Variants in WAS observed in about 807,000 individuals in gnomAD.
WAS encodes the protein actin nucleation-promoting factor WAS.
In WAS, 1 loss-of-function variant was observed where a neutral mutation model predicts 38.9. The observed-to-expected ratio is 0.03, with a 90% confidence interval of 0.01 to 0.12. The LOEUF (loss-of-function observed/expected upper bound fraction) is 0.12, where lower values mean the gene tolerates loss of function less well. Ranked by LOEUF, WAS falls within the 10% of genes least tolerant of loss-of-function variation. The probability of loss-of-function intolerance (pLI) is 1.00; values close to 1 mark genes in which losing one functional copy is unlikely to be tolerated. For missense variants in WAS, 311 were observed against 431.2 expected (o/e 0.72, Z 2.47); for synonymous variants, 182 against 173.6 (o/e 1.05, Z -0.38).
At chrX:48,680,196 A>G (rs1479846178), upstream of WAS, among the ~76,000 whole-genome samples, 1 of 111,738 alleles carries the variant, frequency 8.9e-6, no homozygotes, top group East Asian at 2.8e-4. Context: ...TACCCTGAAT[A>G]CAAGAGACCC....
chrX:48,679,331 GTTT>G (rs782762566), upstream of WAS, among the ~76,000 whole-genome samples: 37 of 111,525 alleles, frequency 3.3e-4, no homozygotes, highest in African/African-American at 1.0e-3. Flanking sequence ...CCTGCTTCAG[GTTT>G]TTTTGTTTTG....
chrX:48,679,955 C>T (rs1170866680), upstream of WAS, among the ~76,000 whole-genome samples: 1 of 111,828 alleles, frequency 8.9e-6, no homozygotes, highest in African/African-American at 3.3e-5. Flanking sequence ...TGGATCAGGA[C>T]CCCTTTCCGG....
chrX:48,684,494 G>A, intron 2 of WAS, 71 bp downstream of exon 2: 1 of 1,143,923 alleles, frequency 8.7e-7, no homozygotes, highest in Non-Finnish European at 1.2e-6. Context: ...GTGTCCATAT[G>A]TGTCCATAGC....
At chrX:48,677,445 C>T (rs145363422) in intron 1 of WAS, among the ~76,000 whole-genome samples, 157 of 111,784 alleles carry the variant, frequency 1.4e-3, no homozygotes, top group African/African-American at 5.0e-3. Flanking sequence ...ATAACACGTG[C>T]CAAGCTCTCC....
Position 48,691,095 on chromosome X carries a change from C to A in WAS, c.1454-12C>A. 12 of 1,210,298 alleles carry A rather than the reference C, an allele frequency of 9.9e-6. No individual in the cohort carries two copies. Among genetic ancestry groups the A allele is most frequent in the Non-Finnish European group, 1.3e-5 (12 of 894,720 alleles). Reference sequence around the variant, plus strand: ...ACCTCCCAGGGCATCTTATCTTTCTCTTTCCCTCCAGACGAAGGGGAGGAC... The same window carrying A: ...ACCTCCCAGGGCATCTTATCTTTCTATTTCCCTCCAGACGAAGGGGAGGAC... On this transcript the variant is annotated splice_polypyrimidine_tract_variant and intron_variant, in intron 11 of 11. Coordinates refer to ENST00000376701, the MANE Select transcript of WAS (RefSeq NM_000377.3).
upstream of WAS, among the ~76,000 whole-genome samples, chrX:48,682,764 G>A (rs1046325273): frequency 4.6e-5 from 5 of 109,560 alleles, no homozygotes; most frequent in African/African-American, 1.3e-4. Flanking sequence ...GCGTGGTGGC[G>A]TGTGCCTGTA....
upstream of WAS, among the ~76,000 whole-genome samples, chrX:48,679,023 T>G (rs1557005476): frequency 9.1e-6 from 1 of 109,755 alleles, no homozygotes; most frequent in African/African-American, 3.3e-5. Flanking sequence ...GTGCTTTAAG[T>G]TTTTCTTTCT....
chrX:48,686,174 T>TAAGAGTGGATGGAGGAATGAGG, intron 6 of WAS, 40 bp downstream of exon 6: 1 of 1,194,645 alleles, frequency 8.4e-7, no homozygotes, highest in Non-Finnish European at 1.1e-6. Context: ...GATGGATGGG[T>TAAGAGTGGATGGAGGAATGAGG]AAGAGTGGAT....
At chrX:48,683,702 A>C (rs782388030), upstream of WAS, 263 of 821,849 alleles carry the variant, frequency 3.2e-4, 1 homozygote, top group African/African-American at 5.0e-3. Flanking sequence ...CCTAACGAGG[A>C]GGCCAGGCCC....
In WAS at chrX:48,691,417, C is replaced by T; in HGVS notation, c.*255C>T. ...AAAAATAAAAGAATTGTCTTTCTGT[C>T]TCTCTATAAATCTCAGTCTGTTTAC... On this transcript the variant is annotated 3_prime_UTR_variant, in exon 12 of 12. Transcript: ENST00000376701. 1 of 411,459 alleles carries T rather than the reference C, an allele frequency of 2.4e-6. No individual in the cohort carries two copies. The highest frequency in any genetic ancestry group is 4.2e-6 in the Non-Finnish European group (1 of 235,909). 33.9% of individuals were successfully genotyped at this position (411,459 alleles called of 1,213,427 possible). A position where few individuals can be genotyped will look rare whatever the true frequency, so the allele number is the denominator to read the frequency against.
At chrX:48,687,679 A>C (rs2062424576) in intron 7 of WAS, among the ~76,000 whole-genome samples, 1 of 110,714 alleles carries the variant, frequency 9.0e-6, no homozygotes, top group Non-Finnish European at 1.9e-5. Context: ...GCACATGGGT[A>C]GGTGGATGGG....
chrX:48,677,693 C>T (rs1226152427), intron 1 of WAS, among the ~76,000 whole-genome samples: 4 of 111,644 alleles, frequency 3.6e-5, no homozygotes, highest in Admixed American at 1.9e-4. Context: ...GTCCTCATTC[C>T]GCCCCCGGCA....
At position 48,686,891 on chromosome X, in the gene WAS, G is replaced by A. The variant is rs2062421931; in HGVS notation, c.670G>A (p.Asp224Asn). 3.3e-6 allele frequency: 4 copies of A among 1,210,121 alleles called. No individual in the cohort carries two copies. Among genetic ancestry groups the A allele is most frequent in the Admixed American group, 2.2e-5 (1 of 45,780 alleles). Residue 224 changes from aspartate (D) to asparagine (N), a missense_variant, in exon 7 of 12, where the codon GAT becomes AAT. By Grantham distance (23) the Asp-to-Asn change is conservative (BLOSUM62 1). Transcript: ENST00000376701. The part of the protein sequence containing the change: ...GLPAPGPSPA[D>N]KKRSGKKKIS... Reference sequence around the variant, plus strand: ...CCCAGCACCTGGACCTAGCCCAGCTGATAAGAAACGCTCAGGGAAGAAGAA... The same window carrying A: ...CCCAGCACCTGGACCTAGCCCAGCTAATAAGAAACGCTCAGGGAAGAAGAA...
chrX:48,677,329 G>A (rs1301090093), intron 1 of WAS, among the ~76,000 whole-genome samples: 1 of 111,192 alleles, frequency 9.0e-6, no homozygotes, highest in Non-Finnish European at 1.9e-5. Flanking sequence ...AGGGAGGAAG[G>A]TGAGGAGGCG....
rs1557006807 is a variant in WAS at position 48,686,832 on chromosome X, A to G, written c.611A>G (p.Asn204Ser). Reference protein sequence around the residue: ...SLGLATVDIQNPDITSSRYRG... With the variant: ...SLGLATVDIQSPDITSSRYRG... ...GGGCTGGCGACAGTGGACATCCAGAACCCTGACATCACGAGTTCACGATAC... is the reference window on the plus strand; with the variant it reads ...GGGCTGGCGACAGTGGACATCCAGAGCCCTGACATCACGAGTTCACGATAC... Residue 204 changes from asparagine (N) to serine (S), a missense_variant, in exon 7 of 12, where the codon AAC becomes AGC. Coordinates refer to ENST00000376701, the MANE Select transcript of WAS (RefSeq NM_000377.3). The G allele has an allele frequency of 1.7e-6, 2 of 1,209,944 alleles. No individual in the cohort carries two copies. Among genetic ancestry groups the G allele is most frequent in the Non-Finnish European group, 2.2e-6 (2 of 895,208 alleles).
chrX:48,690,886 T>C (rs905436003), intron 11 of WAS, among the ~76,000 whole-genome samples: 14 of 111,729 alleles, frequency 1.3e-4, no homozygotes, highest in Non-Finnish European at 2.6e-4. Flanking sequence ...AACCCTTTGT[T>C]TGACAATATC....
rs1181105100 is a variant in WAS, at chrX:48,688,846, C to T, written c.1118C>T (p.Pro373Leu). 1 of 1,153,518 alleles carries T rather than the reference C, an allele frequency of 8.7e-7. No homozygotes were observed. The highest frequency in any genetic ancestry group is 3.2e-5 in the East Asian group (1 of 31,240). Residue 373 changes from proline to leucine, a missense_variant, in exon 10 of 12, where the codon CCA becomes CTA. By Grantham distance (98) the Pro-to-Leu change is moderately conservative. Transcript: ENST00000376701. ...GRGGPPPPPP[P>L]ATGRSGPLPP... ...GGGGGCCCTCCACCACCACCCCCTC[C>T]AGCTACTGGACGTTCTGGACCACTG...
chrX:48,691,198 G>A lies in WAS; in HGVS notation c.*36G>A, dbSNP rs782204870. 14 of 1,176,808 alleles carry A rather than the reference G, an allele frequency of 1.2e-5. No homozygotes were observed. Among genetic ancestry groups the A allele is most frequent in the Middle Eastern group, 2.4e-4 (1 of 4,184 alleles). On this transcript the variant is annotated 3_prime_UTR_variant, in exon 12 of 12. Coordinates refer to ENST00000376701, the MANE Select transcript of WAS (RefSeq NM_000377.3). ...TACTTGCTGCCCTGTGCTCCTCCCCGCAGGACATGGCTCCCCCTCCACCTG... is the reference window on the plus strand; with the variant it reads ...TACTTGCTGCCCTGTGCTCCTCCCCACAGGACATGGCTCCCCCTCCACCTG...
At chrX:48,679,229 G>T (rs868921637), upstream of WAS, among the ~76,000 whole-genome samples, 7 of 110,149 alleles carry the variant, frequency 6.4e-5, no homozygotes, top group South Asian at 2.7e-3. Flanking sequence ...TTGCTATGTT[G>T]CCCAGGCTGG....
Sources: allele counts gnomAD v4.1 joint callset (sites outside exome capture counted in the v4.1 genomes callset), GRCh38; gene constraint gnomAD v4.1.1; transcripts MANE v1.5; gene names NCBI Gene and HGNC (gene_info 2026-07-23, HGNC 2026-07-21).